The following DRC11 variants were observed in gnomAD, a reference collection of about 807,000 sequenced individuals.
DRC11 encodes the protein IQ and AAA domain-containing protein 1.
the DRC11 span, among the ~76,000 whole-genome samples, chr2:236,466,936 C>T: frequency 2.6e-5 from 4 of 152,218 alleles, no homozygotes; most frequent in African/African-American, 9.7e-5. Context: ...ATTATAAGGA[C>T]TAGCATTTCT....
chr2:236,418,192 C>G, the DRC11 span, among the ~76,000 whole-genome samples: 1 of 152,218 alleles, frequency 6.6e-6, no homozygotes, highest in Non-Finnish European at 1.5e-5. Context: ...CTCTCACCAA[C>G]AGTGTAAAAG....
the DRC11 span, chr2:236,391,231 A>G: frequency 6.6e-6 from 1 of 152,238 alleles, no homozygotes; most frequent in South Asian, 2.1e-4. The surrounding 1 kb of genome is among the most constrained non-coding windows in gnomAD (Gnocchi z 4.5). Context: ...TCATCCTAAA[A>G]AGACCACATG....
At chr2:236,344,243 C>A in the DRC11 span, among the ~76,000 whole-genome samples, 1 of 152,160 alleles carries the variant, frequency 6.6e-6, no homozygotes, top group East Asian at 1.9e-4. Context: ...CTAATAATAA[C>A]TCCTATGTGT....
chr2:236,499,387 C>T, the DRC11 span, among the ~76,000 whole-genome samples: 14 of 152,162 alleles, frequency 9.2e-5, no homozygotes, highest in Non-Finnish European at 1.9e-4. The surrounding 1 kb of genome is among the most constrained non-coding windows in gnomAD (Gnocchi z 4.7). Context: ...ATTCTCTGCC[C>T]TTCCTCCATT....
At chr2:236,432,589 GT>G in the DRC11 span, among the ~76,000 whole-genome samples, 1 of 152,062 alleles carries the variant, frequency 6.6e-6, no homozygotes, top group Admixed American at 6.6e-5. Context: ...TCCTTTTGCT[GT>G]TTTTTGTATT....
the DRC11 span, among the ~76,000 whole-genome samples, chr2:236,381,132 G>A: frequency 6.6e-6 from 1 of 152,130 alleles, no homozygotes; most frequent in Admixed American, 6.5e-5. The surrounding 1 kb of genome is among the most constrained non-coding windows in gnomAD (Gnocchi z 5.8). Flanking sequence ...AGGTCTGAGG[G>A]AGCTTGTTCA....
At chr2:236,362,225 A>G in the DRC11 span, among the ~76,000 whole-genome samples, 1 of 152,210 alleles carries the variant, frequency 6.6e-6, no homozygotes, top group Non-Finnish European at 1.5e-5. The surrounding 1 kb of genome is among the most constrained non-coding windows in gnomAD (Gnocchi z 5.7). Context: ...AAACAATGAA[A>G]TGAACCAATG....
the DRC11 span, among the ~76,000 whole-genome samples, chr2:236,326,734 A>G: frequency 6.6e-6 from 1 of 151,332 alleles, no homozygotes; most frequent in African/African-American, 2.4e-5. Flanking sequence ...ACATTTTGTC[A>G]GATTGTATTT....
chr2:236,355,654 C>T, the DRC11 span, among the ~76,000 whole-genome samples: 3 of 152,026 alleles, frequency 2.0e-5, no homozygotes, highest in African/African-American at 7.2e-5. Flanking sequence ...AGATGTAGGC[C>T]TTGGGTTATC....
chr2:236,331,822 C>A, the DRC11 span: 1 of 520,950 alleles, frequency 1.9e-6, no homozygotes, highest in Non-Finnish European at 3.4e-6. This position sits in a 1 kb window ranked among gnomAD's most constrained non-coding sequence, Gnocchi z 4.8. Context: ...TCTATAGATC[C>A]ACAAGTGCCC....
the DRC11 span, chr2:236,338,441 G>A: frequency 6.7e-7 from 1 of 1,489,980 alleles, no homozygotes; most frequent in Non-Finnish European, 9.2e-7. Flanking sequence ...AAAAATGAAA[G>A]AAAATTTACT....
chr2:236,502,349 G>T, the DRC11 span, among the ~76,000 whole-genome samples: 1 of 151,692 alleles, frequency 6.6e-6, no homozygotes, highest in Non-Finnish European at 1.5e-5. Context: ...GACTGAGGTG[G>T]GTGGATCATT....
the DRC11 span, among the ~76,000 whole-genome samples, chr2:236,381,906 A>G: frequency 6.6e-6 from 1 of 152,026 alleles, no homozygotes; most frequent in Non-Finnish European, 1.5e-5. The surrounding 1 kb of genome is among the most constrained non-coding windows in gnomAD (Gnocchi z 5.8). Context: ...GTTTGCAAAT[A>G]TTTCCTCCCA....
chr2:236,433,404 C>T, the DRC11 span, among the ~76,000 whole-genome samples: 67 of 152,288 alleles, frequency 4.4e-4, no homozygotes, highest in African/African-American at 1.5e-3. Flanking sequence ...ATATGCTTTT[C>T]CATTTCTTCG....
At chr2:236,419,892 C>T in the DRC11 span, among the ~76,000 whole-genome samples, 22 of 152,332 alleles carry the variant, frequency 1.4e-4, no homozygotes, top group African/African-American at 5.3e-4. This position sits in a 1 kb window ranked among gnomAD's most constrained non-coding sequence, Gnocchi z 4.8. Context: ...TTCAATACAA[C>T]AGTGTTCACT....
At chr2:236,426,332 G>T in the DRC11 span, among the ~76,000 whole-genome samples, 1 of 151,880 alleles carries the variant, frequency 6.6e-6, no homozygotes, top group Admixed American at 6.5e-5. The surrounding 1 kb of genome is among the most constrained non-coding windows in gnomAD (Gnocchi z 4.1). Context: ...TGCATGTTTT[G>T]TAGGTTTCAA....
At chr2:236,460,579 AT>A in the DRC11 span, among the ~76,000 whole-genome samples, 1 of 152,066 alleles carries the variant, frequency 6.6e-6, no homozygotes, top group African/African-American at 2.4e-5. The surrounding 1 kb of genome is among the most constrained non-coding windows in gnomAD (Gnocchi z 4.0). Flanking sequence ...TTGTCCTCAT[AT>A]TTTTTAATGA....
At chr2:236,362,550 G>A in the DRC11 span, among the ~76,000 whole-genome samples, 14 of 152,144 alleles carry the variant, frequency 9.2e-5, no homozygotes, top group African/African-American at 2.4e-4. This position sits in a 1 kb window ranked among gnomAD's most constrained non-coding sequence, Gnocchi z 5.7. Flanking sequence ...TACAAAATAC[G>A]TGTTATTCAA....
chr2:236,347,112 G>T, the DRC11 span, among the ~76,000 whole-genome samples: 1 of 152,250 alleles, frequency 6.6e-6, no homozygotes, highest in Non-Finnish European at 1.5e-5. Flanking sequence ...AGGCTGGAGT[G>T]CAGTGGCACG....
Sources: allele counts gnomAD v4.1 joint callset (sites outside exome capture counted in the v4.1 genomes callset), GRCh38; gene constraint gnomAD v4.1.1; non-coding constraint Gnocchi (gnomAD v3.1); transcripts MANE v1.5; gene names NCBI Gene and HGNC (gene_info 2026-07-23, HGNC 2026-07-21).